The following ADGRG4 variants were observed in gnomAD, a reference collection of about 807,000 sequenced individuals.
ADGRG4 encodes adhesion G protein-coupled receptor G4.
A neutral mutation model predicts 126.2 loss-of-function variants in ADGRG4; 122 were observed. That is an observed-to-expected ratio of 0.97 (90% CI 0.83 to 1.12). The LOEUF (loss-of-function observed/expected upper bound fraction) is 1.12. Ranked by LOEUF, ADGRG4 falls within the 50% of genes most tolerant of loss-of-function variation. ADGRG4 has a pLI of 0.00. For synonymous variants in ADGRG4, 943 were observed against 838.7 expected (o/e 1.12, Z -2.15); for missense variants, 2,481 against 2,251.8 (o/e 1.10, Z -2.06).
intron 5 of ADGRG4, among the ~76,000 whole-genome samples, chrX:136,342,846 C>T (rs748128487): frequency 3.8e-5 from 4 of 105,593 alleles, no homozygotes; most frequent in East Asian, 3.0e-4. Flanking sequence ...TCTTTTTATC[C>T]TATGAGCAAT....
intron 9 of ADGRG4, among the ~76,000 whole-genome samples, chrX:136,357,164 G>C (rs5975722): frequency 0.49 from 53,429 of 109,896 alleles, 9,552 homozygotes; most frequent in Middle Eastern, 0.59. Context: ...AAATCCTTTT[G>C]GTGATAATAT....
At chrX:136,355,443 T>C (rs1342968904) in intron 8 of ADGRG4, among the ~76,000 whole-genome samples, 1 of 111,186 alleles carries the variant, frequency 9.0e-6, no homozygotes, top group Non-Finnish European at 1.9e-5. Flanking sequence ...TGTCTGGGGG[T>C]ATAAAACATT....
rs894429441 is a variant in ADGRG4 at position 136,347,516 on chromosome X, A to G, written c.3810A>G (p.Arg1270=). The change falls in exon 6 of 26, where the codon AGA becomes AGG. Residue 1270 remains arginine, a synonymous_variant. Transcript: ENST00000394143. ...QMTISLGKTP[R]TMEVTEMSPS... is the part of the protein sequence containing the mutation. ...CCATATCCCTGGGAAAAACCCCTAG[A>G]ACTATGGAGGTGACAGAAATGTCCC... 2.4e-5 allele frequency: 29 copies of G among 1,208,399 alleles called. No individual in the cohort carries two copies. Among genetic ancestry groups the G allele is most frequent in the Non-Finnish European group, 3.2e-5 (29 of 893,911 alleles).
rs370445000 is a variant in ADGRG4 at position 136,403,373 on chromosome X, G to A, written c.8654+51G>A. 8.2e-4 allele frequency: 802 copies of A among 983,989 alleles called. 7 individuals carry two copies. In the Middle Eastern group the frequency reaches 0.012, roughly 15 times the overall value. The allele number at this position is 983,989 out of a possible 1,213,427, so 81.1% of individuals were successfully genotyped here. A position where few individuals can be genotyped will look rare whatever the true frequency, so the allele number is the denominator to read the frequency against. On this transcript the variant is annotated intron_variant, in intron 22 of 25. Coordinates refer to ENST00000394143, the MANE Select transcript of ADGRG4 (RefSeq NM_153834.4). ...TGGTGGTGGGGCTCTGGCCCAGCAGGGTATAGTAAAATGTTCTTGGCCTGG... is the reference window on the plus strand; with the variant it reads ...TGGTGGTGGGGCTCTGGCCCAGCAGAGTATAGTAAAATGTTCTTGGCCTGG...
At chrX:136,392,722 G>A (rs1340750389) in intron 17 of ADGRG4, among the ~76,000 whole-genome samples, 1 of 112,014 alleles carries the variant, frequency 8.9e-6, no homozygotes, top group Non-Finnish European at 1.9e-5. Flanking sequence ...AAACGTGTAT[G>A]AATTATCACC....
chrX:136,332,981 T>C (rs1364251601), intron 5 of ADGRG4, among the ~76,000 whole-genome samples: 1 of 111,670 alleles, frequency 9.0e-6, no homozygotes, highest in Non-Finnish European at 1.9e-5. Context: ...TGGTAGTTTC[T>C]TTTGCTGTGC....
chrX:136,374,505 C>A (rs889092860), intron 15 of ADGRG4, among the ~76,000 whole-genome samples: 1 of 111,255 alleles, frequency 9.0e-6, no homozygotes, highest in African/African-American at 3.3e-5. Context: ...TATCTCCCCA[C>A]CGCAACCTCT....
chrX:136,320,916 C>G lies in ADGRG4; in HGVS notation c.71-1862C>G, dbSNP rs955790134. ...CCTGGGCAAGAGAGTGAGACCCCCC[C>G]TCTTAAAACAAAAAATCAAAAACTA... On this transcript the variant is annotated intron_variant, in intron 4 of 25. Transcript: ENST00000394143. 3.6e-5 allele frequency among the ~76,000 whole-genome samples: 4 copies of G among 110,944 alleles called. No homozygotes were observed. In the Admixed American group the frequency reaches 3.8e-4, roughly 11 times the overall value.
chrX:136,312,243 G>T (rs974336616), intron 4 of ADGRG4, among the ~76,000 whole-genome samples: 8 of 112,443 alleles, frequency 7.1e-5, no homozygotes, highest in African/African-American at 9.7e-5. Flanking sequence ...TGCAGATACA[G>T]AACATTTCCA....
chrX:136,330,217 C>A (rs1301287509), intron 5 of ADGRG4, among the ~76,000 whole-genome samples: 1 of 110,712 alleles, frequency 9.0e-6, no homozygotes, highest in African/African-American at 3.3e-5. Context: ...TAGTAGGATC[C>A]CTCATGTTGA....
intron 25 of ADGRG4, among the ~76,000 whole-genome samples, chrX:136,415,701 T>C (rs2075471996): frequency 9.0e-6 from 1 of 111,695 alleles, no homozygotes; most frequent in Non-Finnish European, 1.9e-5. Flanking sequence ...CCTTAGTAGA[T>C]AATAGTTGGG....
chrX:136,352,299 A>G (rs2075067410), intron 7 of ADGRG4, among the ~76,000 whole-genome samples: 1 of 110,963 alleles, frequency 9.0e-6, no homozygotes, highest in African/African-American at 3.3e-5. Flanking sequence ...GTTTCACTAC[A>G]TGGTTGTAGT....
intron 21 of ADGRG4, among the ~76,000 whole-genome samples, chrX:136,400,912 A>G (rs1203647227): frequency 8.9e-6 from 1 of 112,012 alleles, no homozygotes; most frequent in Non-Finnish European, 1.9e-5. Context: ...TTGTGTATTC[A>G]AGGCAGATTT....
intron 18 of ADGRG4, 152 bp from the exon 19 acceptor site, chrX:136,395,238 A>C: frequency 2.6e-6 from 1 of 383,557 alleles, no homozygotes; most frequent in Non-Finnish European, 4.5e-6. Flanking sequence ...TGTTAGACTT[A>C]ATTTAATTTC....
intron 16 of ADGRG4, 49 bp downstream of exon 16, chrX:136,387,923 A>T (rs73637919): frequency 9.3e-7 from 1 of 1,075,727 alleles, no homozygotes; most frequent in Non-Finnish European, 1.3e-6. Context: ...ATGGTGACTC[A>T]TTGTAATTAT....
At chrX:136,353,075 T>C (rs991742964) in intron 7 of ADGRG4, among the ~76,000 whole-genome samples, 13 of 111,710 alleles carry the variant, frequency 1.2e-4, no homozygotes, top group Non-Finnish European at 2.4e-4. Context: ...TATGATCTTA[T>C]TTAACCTTAC....
rs184175422 is a variant in ADGRG4 at position 136,378,297 on chromosome X, T to C, written c.7776+5233T>C. On this transcript the variant is annotated intron_variant, in intron 15 of 25. Coordinates refer to ENST00000394143, the MANE Select transcript of ADGRG4 (RefSeq NM_153834.4). ...AGTATATGAAATGCAATTGATTATATATGAAATATTATTTATATTATATGC... is the reference window on the plus strand; with the variant it reads ...AGTATATGAAATGCAATTGATTATACATGAAATATTATTTATATTATATGC... Among the ~76,000 whole-genome samples the C allele has an allele frequency of 1.7e-4, 19 of 111,349 alleles. 1 individual carries two copies. Among genetic ancestry groups the C allele is most frequent in the South Asian group, 1.1e-3 (3 of 2,695 alleles).
rs1474786117 is a variant in ADGRG4 at position 136,410,387 on chromosome X, C to A, written c.8936-1878C>A. Among the ~76,000 whole-genome samples, 4 of 111,757 alleles carry A rather than the reference C, an allele frequency of 3.6e-5. No homozygotes were observed. In the Admixed American group the frequency reaches 3.8e-4, roughly 11 times the overall value. The stretch of plus-strand genomic sequence containing the variant: ...GGTGCTGGTGGGAGGTATGGTCAAA[C>A]AAGGACAGAATATGGCAGGAGACTG... On this transcript the variant is annotated intron_variant, in intron 23 of 25. Transcript: ENST00000394143.
At chrX:136,416,361 T>G in intron 25 of ADGRG4, 93 bp from the exon 26 acceptor site, 1 of 654,238 alleles carries the variant, frequency 1.5e-6, no homozygotes, top group Non-Finnish European at 2.4e-6. Flanking sequence ...TTGCTTTATT[T>G]TTTCCTTCAT....
Sources: allele counts gnomAD v4.1 joint callset (sites outside exome capture counted in the v4.1 genomes callset), GRCh38; gene constraint gnomAD v4.1.1; transcripts MANE v1.5; gene names NCBI Gene and HGNC (gene_info 2026-07-23, HGNC 2026-07-21).